Variants in IP6K1 observed in about 807,000 individuals in gnomAD.
IP6K1 encodes ATP:1D-myo-inositol-hexakisphosphate phosphotransferase.
In IP6K1, 13 loss-of-function variants were observed where a neutral mutation model predicts 38.3. That is an observed-to-expected ratio of 0.34 (90% confidence interval 0.22 to 0.54). The LOEUF is 0.54. Ranked by LOEUF, IP6K1 falls within the 20% of genes least tolerant of loss-of-function variation. The pLI, the probability that IP6K1 is intolerant of heterozygous loss-of-function variation, is 0.92. For missense variants in IP6K1, 397 were observed against 599.8 expected (o/e 0.66, Z 3.53); for synonymous variants, 212 against 229.9 (o/e 0.92, Z 0.70).
At position 49,784,672 on chromosome 3, in the gene IP6K1, C is replaced by T. The variant is rs148421965; in HGVS notation, c.-129+1682G>A. 1.3e-3 allele frequency among the ~76,000 whole-genome samples: 191 copies of T among 148,652 alleles called. 6 individuals carry two copies. The East Asian group carries it at 0.036, about 28-fold the overall frequency. On this transcript the variant is annotated intron_variant, in intron 1 of 5. Transcript: ENST00000321599. ...AAAAAAAAAAAAAAAGTAGGCTTGG[C>T]GCGGTGGCTCATGCCTGTAATCCCA...
chr3:49,758,815 G>C (rs939611571), intron 1 of IP6K1, among the ~76,000 whole-genome samples: 17 of 151,994 alleles, frequency 1.1e-4, no homozygotes, highest in Admixed American at 6.6e-4. Flanking sequence ...TACAAATATA[G>C]CAGGTGTGGT....
chr3:49,745,548 C>T (rs1390124714), intron 2 of IP6K1, among the ~76,000 whole-genome samples: 5 of 152,006 alleles, frequency 3.3e-5, no homozygotes, highest in African/African-American at 1.2e-4. Context: ...GGCAAAACCC[C>T]GTCTCTACTA....
intron 1 of IP6K1, among the ~76,000 whole-genome samples, chr3:49,769,863 A>G (rs1377130114): frequency 6.6e-6 from 1 of 152,220 alleles, no homozygotes; most frequent in Non-Finnish European, 1.5e-5. Context: ...GGGTAGAGAT[A>G]AACAATATGG....
intron 1 of IP6K1, among the ~76,000 whole-genome samples, chr3:49,752,863 C>T (rs2080790411): frequency 6.6e-6 from 1 of 151,806 alleles, no homozygotes; most frequent in African/African-American, 2.4e-5. Flanking sequence ...AAGCAATTCC[C>T]ATGCCTCAGC....
chr3:49,778,962 T>C (rs1386881858), intron 1 of IP6K1, among the ~76,000 whole-genome samples: 1 of 152,188 alleles, frequency 6.6e-6, no homozygotes. Context: ...GATATATTAT[T>C]CACACATCAT....
intron 1 of IP6K1, chr3:49,785,936 A>G (rs1266980835): frequency 6.6e-6 from 1 of 152,242 alleles, no homozygotes; most frequent in Non-Finnish European, 1.5e-5. Flanking sequence ...TGCTTCGTCT[A>G]GTCTTAGCAT....
intron 1 of IP6K1, among the ~76,000 whole-genome samples, chr3:49,759,308 A>G (rs1220128957): frequency 6.6e-6 from 1 of 152,170 alleles, no homozygotes; most frequent in Non-Finnish European, 1.5e-5. Context: ...AGACACAGAC[A>G]CAGATGTATT....
chr3:49,757,794 G>A lies in IP6K1; in HGVS notation c.-128-9626C>T, dbSNP rs190535617. 3.9e-3 allele frequency among the ~76,000 whole-genome samples: 598 copies of A among 152,120 alleles called. 5 individuals are homozygous for A. Among genetic ancestry groups the A allele is most frequent in the Middle Eastern group, 0.02 (6 of 294 alleles). ...ACAAATAAAAGCTCTTGTCACTCAC[G>A]CTAATTTCAATTATCTATAACACTG... is the stretch of plus-strand genomic sequence containing the variant. On this transcript the variant is annotated intron_variant, in intron 1 of 5. Transcript: ENST00000321599.
chr3:49,783,975 G>A (rs2081089891), intron 1 of IP6K1, among the ~76,000 whole-genome samples: 1 of 151,912 alleles, frequency 6.6e-6, no homozygotes, highest in African/African-American at 2.4e-5. Flanking sequence ...TCCTGACCAA[G>A]GAGCTGGTTT....
chr3:49,727,299 G>A lies in IP6K1; in HGVS notation c.1149C>T (p.Pro383=), dbSNP rs200800128. 94 of 1,614,170 alleles carry A rather than the reference G, an allele frequency of 5.8e-5. 1 individual carries two copies. The African/African-American group carries it at 1.0e-3, about 17-fold the overall frequency. Reference sequence around the variant, plus strand: ...TGGGCTGAGAGGAGGGACCCGCCTCGGGGCTGGTGTTGCTGGGGCTGGTGC... The same window carrying A: ...TGGGCTGAGAGGAGGGACCCGCCTCAGGGCTGGTGTTGCTGGGGCTGGTGC... ...GPSTSPSNTS[P]EAGPSSQPKV... The change falls in exon 6 of 6, where the codon CCC becomes CCT. Residue 383 remains proline, a synonymous_variant. Coordinates refer to ENST00000321599, the MANE Select transcript of IP6K1 (RefSeq NM_153273.4). This position sits in a 1 kb window ranked among gnomAD's most constrained non-coding sequence, Gnocchi z 5.9.
At chr3:49,746,847 G>GTAGAT in intron 2 of IP6K1, among the ~76,000 whole-genome samples, 1 of 152,072 alleles carries the variant, frequency 6.6e-6, no homozygotes, top group Non-Finnish European at 1.5e-5. Context: ...ATCTACAATA[G>GTAGAT]GCAAATCTGT....
intron 1 of IP6K1, among the ~76,000 whole-genome samples, chr3:49,756,705 C>A (rs1236228948): frequency 6.6e-6 from 1 of 151,236 alleles, no homozygotes; most frequent in East Asian, 1.9e-4. Context: ...AATCCCGCTA[C>A]TTGGGAGGCT....
At chr3:49,778,034 G>A (rs1158831767) in intron 1 of IP6K1, among the ~76,000 whole-genome samples, 2 of 150,600 alleles carry the variant, frequency 1.3e-5, no homozygotes, top group African/African-American at 2.4e-5. Context: ...TTTTTAAGAC[G>A]GGGTCTCTCA....
At position 49,725,820 on chromosome 3, in the gene IP6K1, G is replaced by T. The variant is rs114745265; in HGVS notation, c.*1302C>A. ...TTGAGGGCCATATTCTAGGCCCACA[G>T]AAATGGTGCTGGGTCAACAGGGAAA... is the stretch of plus-strand genomic sequence containing the variant. On this transcript the variant is annotated 3_prime_UTR_variant, in exon 6 of 6. Transcript: ENST00000321599. The T allele has an allele frequency of 6.1e-3, 936 of 152,572 alleles. 5 individuals are homozygous for T. Among genetic ancestry groups the T allele is most frequent in the Non-Finnish European group, 0.01 (686 of 68,038 alleles). The allele number at this position is 152,572 out of a possible 1,614,324, so 9.5% of individuals were successfully genotyped here.
intron 1 of IP6K1, among the ~76,000 whole-genome samples, chr3:49,755,614 G>C (rs2080816395): frequency 6.6e-6 from 1 of 152,120 alleles, no homozygotes; most frequent in South Asian, 2.1e-4. Context: ...AAAATAAACT[G>C]ATAAGTCACT....
At chr3:49,757,102 C>T (rs1314345265) in intron 1 of IP6K1, among the ~76,000 whole-genome samples, 1 of 152,208 alleles carries the variant, frequency 6.6e-6, no homozygotes, top group Non-Finnish European at 1.5e-5. Context: ...ACTGTCTAAA[C>T]TGCTCACATG....
At chr3:49,782,025 C>T (rs748995211) in intron 1 of IP6K1, among the ~76,000 whole-genome samples, 2 of 151,316 alleles carry the variant, frequency 1.3e-5, no homozygotes, top group Non-Finnish European at 2.9e-5. Flanking sequence ...CCCAGGAATT[C>T]GAGGCTGCAG....
chr3:49,729,517 C>G (rs2080545743), intron 4 of IP6K1, among the ~76,000 whole-genome samples: 1 of 151,080 alleles, frequency 6.6e-6, no homozygotes, highest in South Asian at 2.1e-4. Flanking sequence ...AAGTGATTCT[C>G]CTGCCTCAGC....
At chr3:49,749,544 G>A (rs111915456) in intron 1 of IP6K1, among the ~76,000 whole-genome samples, 1 of 152,218 alleles carries the variant, frequency 6.6e-6, no homozygotes, top group Admixed American at 6.6e-5. Context: ...CAAACCATCG[G>A]GTTTTTTGTT....
Sources: allele counts gnomAD v4.1 joint callset (sites outside exome capture counted in the v4.1 genomes callset), GRCh38; gene constraint gnomAD v4.1.1; non-coding constraint Gnocchi (gnomAD v3.1); transcripts MANE v1.5; gene names NCBI Gene and HGNC (gene_info 2026-07-23, HGNC 2026-07-21).